IGFL4: variants seen among roughly 807,000 people sequenced by gnomAD.
IGFL4 encodes insulin growth factor-like family member 4.
A neutral mutation model predicts 15.4 loss-of-function variants in IGFL4; 12 were observed. That is an observed-to-expected ratio of 0.78 (90% CI 0.50 to 1.26). The LOEUF is 1.26. Ranked by LOEUF, IGFL4 falls within the 50% of genes most tolerant of loss-of-function variation. The pLI is 0.00. For synonymous variants in IGFL4, 54 were observed against 55.9 expected (o/e 0.97, Z 0.16); for missense variants, 126 against 147.8 (o/e 0.85, Z 0.76).
chr19:46,056,488 T>A (rs1468472445), intron 2 of IGFL4, among the ~76,000 whole-genome samples: 1 of 152,192 alleles, frequency 6.6e-6, no homozygotes, highest in Non-Finnish European at 1.5e-5. Context: ...CCAGCAAGGA[T>A]CTCCTCCACT....
At chr19:46,074,044 G>A (rs1969571333) in intron 1 of IGFL4, among the ~76,000 whole-genome samples, 3 of 151,802 alleles carry the variant, frequency 2.0e-5, no homozygotes, top group South Asian at 2.1e-4. Flanking sequence ...TTTCTCCTTC[G>A]CACAGTGTTA....
At chr19:46,059,762 AG>A (rs1484028897) in intron 2 of IGFL4, 1 of 152,236 alleles carries the variant, frequency 6.6e-6, no homozygotes, top group Non-Finnish European at 1.5e-5. Flanking sequence ...TTTTTCACAG[AG>A]GCTTTTAAAA....
At chr19:46,041,321 A>G (rs1969240973), upstream of IGFL4, among the ~76,000 whole-genome samples, 1 of 152,126 alleles carries the variant, frequency 6.6e-6, no homozygotes, top group Admixed American at 6.5e-5. Flanking sequence ...CTTATCTAAG[A>G]TCAAATTACT....
intron 1 of IGFL4, among the ~76,000 whole-genome samples, chr19:46,067,812 C>A (rs957885696): frequency 2.0e-5 from 3 of 152,178 alleles, no homozygotes; most frequent in Non-Finnish European, 2.9e-5. Flanking sequence ...AGCCAGCCCC[C>A]AGGTGTGGAA....
Position 46,040,177 on chromosome 19 carries a change from TA to T in IGFL4, c.309del (p.Ile104SerfsTer36). On this transcript the variant is annotated frameshift_variant, in exon 3 of 4. Coordinates refer to ENST00000377697, the MANE Select transcript of IGFL4 (RefSeq NM_001002923.3). LOFTEE classifies it low-confidence loss of function (END_TRUNC). The surrounding 1 kb of genome is among the most constrained non-coding windows in gnomAD (Gnocchi z 4.1). ...CTTACCTGGGCACAGATCCTGGTGA[TA>T]GGGGAGGACTTGCAATCTGGCTTCA... ...PGMKPDCKSS[P>X]ITRICAQEYH... The T allele has an allele frequency of 1.9e-6, 3 of 1,613,862 alleles. No individual in the cohort carries two copies. The highest frequency in any genetic ancestry group is 2.7e-5 in the African/African-American group (2 of 75,018).
chr19:46,054,097 A>G (rs1050517014), intron 2 of IGFL4, among the ~76,000 whole-genome samples: 2 of 152,132 alleles, frequency 1.3e-5, no homozygotes, highest in Middle Eastern at 3.4e-3. Context: ...TGTTGTGCAG[A>G]GCTTTTTATT....
At chr19:46,054,146 C>T (rs916031662) in intron 2 of IGFL4, among the ~76,000 whole-genome samples, 2 of 151,992 alleles carry the variant, frequency 1.3e-5, no homozygotes, top group Non-Finnish European at 2.9e-5. Flanking sequence ...CTTTCATTGC[C>T]TGTGCTTTTG....
chr19:46,041,153 C>T (rs1969239470), upstream of IGFL4: 8 of 571,884 alleles, frequency 1.4e-5, no homozygotes, highest in Admixed American at 3.6e-5. Flanking sequence ...TAATGAGATG[C>T]TTCTGGACCT....
intron 2 of IGFL4, among the ~76,000 whole-genome samples, chr19:46,055,838 A>G (rs1270319565): frequency 6.6e-6 from 1 of 152,096 alleles, no homozygotes; most frequent in Non-Finnish European, 1.5e-5. Context: ...GTGCAGTGGC[A>G]TGATCTTGGC....
Position 46,040,122 on chromosome 19 carries a change from C to G in IGFL4, c.330+35G>C, listed in dbSNP as rs75978592. The G allele has an allele frequency of 2.1e-3, 3,443 of 1,610,110 alleles. 61 individuals are homozygous for G. The African/African-American group carries it at 0.035, about 17-fold the overall frequency. On this transcript the variant is annotated intron_variant, in intron 3 of 3. Transcript: ENST00000377697. The surrounding 1 kb of genome is among the most constrained non-coding windows in gnomAD (Gnocchi z 4.1). ...CAACCAAGCTCCATTCCCTACTCCC[C>G]CCTCCCACAGCCTGGACTGGAGTCA... is the stretch of plus-strand genomic sequence containing the variant.
chr19:46,041,715 C>T (rs1358817502), upstream of IGFL4, among the ~76,000 whole-genome samples: 1 of 151,898 alleles, frequency 6.6e-6, no homozygotes, highest in African/African-American at 2.4e-5. Context: ...TGGTTTCTTC[C>T]CTGTGTCACA....
rs1243531890 is a variant in IGFL4, at chr19:46,040,105, C to T, written c.330+52G>A. On this transcript the variant is annotated intron_variant, in intron 3 of 3. Transcript: ENST00000377697. This position sits in a 1 kb window ranked among gnomAD's most constrained non-coding sequence, Gnocchi z 4.1. Reference sequence around the variant, plus strand: ...TCTGGGTGGGACATGGACAACCAAGCTCCATTCCCTACTCCCCCCTCCCAC... The same window carrying T: ...TCTGGGTGGGACATGGACAACCAAGTTCCATTCCCTACTCCCCCCTCCCAC... The T allele has an allele frequency of 6.2e-7, 1 of 1,604,682 alleles. No homozygotes were observed. Among genetic ancestry groups the T allele is most frequent in the East Asian group, 2.2e-5 (1 of 44,826 alleles).
At chr19:46,057,907 T>C (rs896271637) in intron 2 of IGFL4, 1 of 152,152 alleles carries the variant, frequency 6.6e-6, no homozygotes, top group Admixed American at 6.6e-5. Flanking sequence ...TACCTCCCAC[T>C]GCATCCCTCC....
upstream of IGFL4, among the ~76,000 whole-genome samples, chr19:46,077,445 T>G (rs960067710): frequency 6.6e-6 from 1 of 152,148 alleles, no homozygotes; most frequent in Non-Finnish European, 1.5e-5. This position sits in a 1 kb window ranked among gnomAD's most constrained non-coding sequence, Gnocchi z 5.4. Context: ...TGAAAAAGAC[T>G]GAGGTAGCTC....
chr19:46,057,936 T>C (rs904014093), intron 2 of IGFL4: 1 of 152,168 alleles, frequency 6.6e-6, no homozygotes, highest in Admixed American at 6.5e-5. Context: ...GCGGGAATTA[T>C]GGGAGCTACA....
chr19:46,062,114 G>C (rs1969451021), intron 1 of IGFL4, among the ~76,000 whole-genome samples: 1 of 152,134 alleles, frequency 6.6e-6, no homozygotes, highest in African/African-American at 2.4e-5. Flanking sequence ...TGATGCTAGA[G>C]CTTGAAAAAG....
intron 2 of IGFL4, among the ~76,000 whole-genome samples, chr19:46,049,456 G>A (rs918337988): frequency 2.0e-5 from 3 of 152,150 alleles, no homozygotes; most frequent in Admixed American, 6.5e-5. Flanking sequence ...GGCCTTTTGG[G>A]TTGTGGGCTG....
At chr19:46,068,347 C>T (rs1470410648) in intron 1 of IGFL4, among the ~76,000 whole-genome samples, 1 of 152,208 alleles carries the variant, frequency 6.6e-6, no homozygotes, top group Non-Finnish European at 1.5e-5. Flanking sequence ...ATATTAAAGA[C>T]CTCGAGCTCT....
intron 2 of IGFL4, among the ~76,000 whole-genome samples, chr19:46,046,562 A>G (rs914445828): frequency 6.6e-6 from 1 of 152,200 alleles, no homozygotes; most frequent in South Asian, 2.1e-4. Flanking sequence ...GATGGAGGAG[A>G]AATTTATCAA....
Sources: gnomAD v4.1 joint callset for allele counts (sites outside exome capture counted in the v4.1 genomes callset) on GRCh38, gnomAD v4.1.1 for gene constraint, Gnocchi (gnomAD v3.1) non-coding constraint, MANE v1.5 for transcripts, NCBI Gene and HGNC (gene_info 2026-07-23, HGNC 2026-07-21) for gene names.